Variants in DDX1 observed in about 807,000 individuals in gnomAD.
DDX1 encodes the protein DEAD-box helicase 1.
A neutral mutation model predicts 108.7 loss-of-function variants in DDX1; 28 were observed. The observed-to-expected ratio is 0.26, with a 90% confidence interval of 0.19 to 0.35. DDX1 has a LOEUF of 0.35. Among genes scored for constraint, DDX1 ranks in the 10% least tolerant of loss-of-function variants. The pLI, the probability that DDX1 is intolerant of heterozygous loss-of-function variation, is 1.00. For synonymous variants in DDX1, 295 were observed against 288.9 expected (o/e 1.02, Z -0.21); for missense variants, 710 against 884.5 (o/e 0.80, Z 2.50).
chr2:15,625,688 T>C (rs899822432), intron 19 of DDX1, among the ~76,000 whole-genome samples: 5 of 152,110 alleles, frequency 3.3e-5, no homozygotes, highest in Middle Eastern at 3.4e-3. Context: ...AATATAAATA[T>C]TGGAAAAATA....
At chr2:15,611,224 C>T (rs1665747752) in intron 13 of DDX1, among the ~76,000 whole-genome samples, 1 of 150,806 alleles carries the variant, frequency 6.6e-6, no homozygotes, top group Non-Finnish European at 1.5e-5. Flanking sequence ...TCAACAGGAT[C>T]CCAAGGCAGA....
chr2:15,607,298 A>C lies in DDX1; in HGVS notation c.941A>C (p.Asp314Ala). 6.2e-7 allele frequency: 1 copy of C among 1,613,182 alleles called. No individual in the cohort carries two copies. The highest frequency in any genetic ancestry group is 1.1e-5 in the South Asian group (1 of 90,836). ...NNIKQFKKYI[D>A]NPKLRELLII... Reference sequence around the variant, plus strand: ...ATCAAGCAGTTTAAGAAATACATTGATAATCCTAAATTAAGGTAAATCTTC... The same window carrying C: ...ATCAAGCAGTTTAAGAAATACATTGCTAATCCTAAATTAAGGTAAATCTTC... The change falls in exon 13 of 26, where the codon GAT (aspartate) becomes GCT (alanine). Residue 314 changes from aspartate to alanine, a missense_variant. Asp to Ala is a moderately radical substitution (Grantham distance 126, BLOSUM62 -2). This residue lies in a region of DDX1 where 661 missense variants were observed against 810.2 expected (regional missense o/e 0.82). Coordinates refer to ENST00000233084, the MANE Select transcript of DDX1 (RefSeq NM_004939.3).
intron 16 of DDX1, among the ~76,000 whole-genome samples, chr2:15,619,398 G>A (rs1332713281): frequency 6.6e-6 from 1 of 152,098 alleles, no homozygotes; most frequent in Non-Finnish European, 1.5e-5. Context: ...GCGAAGGTTG[G>A]GGTGGCCCAG....
chr2:15,630,983 A>G lies in DDX1; in HGVS notation c.*77A>G. ...ACTCTAAAACAGTTGTACTGCTTCC[A>G]AGCAGCAGTATTTATAGTAACGTAA... On this transcript the variant is annotated 3_prime_UTR_variant, in exon 26 of 26. Transcript: ENST00000233084. 1 of 1,413,344 alleles carries G rather than the reference A, an allele frequency of 7.1e-7. No homozygotes were observed. Among genetic ancestry groups the G allele is most frequent in the Non-Finnish European group, 9.8e-7 (1 of 1,017,000 alleles). 87.6% of individuals were successfully genotyped at this position (1,413,344 alleles called of 1,614,324 possible).
chr2:15,615,414 G>A (rs1302968877), intron 14 of DDX1, among the ~76,000 whole-genome samples: 3 of 152,202 alleles, frequency 2.0e-5, no homozygotes, highest in Admixed American at 6.5e-5. Context: ...GTACTAAACT[G>A]ATGTCATAGA....
chr2:15,611,634 T>C (rs1299873245), intron 13 of DDX1, among the ~76,000 whole-genome samples: 61 of 60,064 alleles, frequency 1.0e-3, no homozygotes, highest in African/African-American at 3.9e-3. Flanking sequence ...CCAGTAGGGG[T>C]GGCCGGGCAG....
At chr2:15,616,473 A>T (rs892487029) in intron 14 of DDX1, among the ~76,000 whole-genome samples, 1 of 152,196 alleles carries the variant, frequency 6.6e-6, no homozygotes, top group Non-Finnish European at 1.5e-5. Flanking sequence ...ACTACAAGAT[A>T]TGTGTGGGAG....
At chr2:15,609,906 G>A (rs557995573) in intron 13 of DDX1, among the ~76,000 whole-genome samples, 1 of 152,202 alleles carries the variant, frequency 6.6e-6, no homozygotes, top group East Asian at 1.9e-4. Context: ...TGTTTTTTAA[G>A]AAAAGCAGCT....
At chr2:15,602,473 G>T in intron 6 of DDX1, 75 bp from the exon 7 acceptor site, 1 of 991,526 alleles carries the variant, frequency 1.0e-6, no homozygotes, top group Admixed American at 1.9e-5. Context: ...ATTTTTTTTG[G>T]TGGTAGGGGG....
At chr2:15,613,728 T>A (rs1337211226) in intron 14 of DDX1, among the ~76,000 whole-genome samples, 1 of 152,118 alleles carries the variant, frequency 6.6e-6, no homozygotes, top group Non-Finnish European at 1.5e-5. Flanking sequence ...AGACATGAGT[T>A]CAATTATGTG....
chr2:15,617,457 C>T (rs551682240), intron 15 of DDX1, 115 bp downstream of exon 15: 31 of 444,014 alleles, frequency 7.0e-5, no homozygotes, highest in Middle Eastern at 6.0e-4. Context: ...TAGAGATAAT[C>T]ATTGTTATCA....
intron 20 of DDX1, among the ~76,000 whole-genome samples, chr2:15,627,721 A>G (rs1019908112): frequency 6.6e-6 from 1 of 152,184 alleles, no homozygotes; most frequent in African/African-American, 2.4e-5. Context: ...GCCCCAGTGT[A>G]TAGCATAAGT....
intron 19 of DDX1, among the ~76,000 whole-genome samples, chr2:15,624,595 G>A (rs1381783052): frequency 6.6e-6 from 1 of 152,114 alleles, no homozygotes; most frequent in Admixed American, 6.6e-5. Context: ...ACAGCATGAG[G>A]ATAACCACCC....
intron 5 of DDX1, among the ~76,000 whole-genome samples, chr2:15,597,679 T>G (rs1665523843): frequency 6.6e-6 from 1 of 152,202 alleles, no homozygotes. Flanking sequence ...ATACTAATAG[T>G]GTTCCCTTTG....
chr2:15,608,950 C>G (rs1665713622), intron 13 of DDX1, among the ~76,000 whole-genome samples: 1 of 145,930 alleles, frequency 6.9e-6, no homozygotes, highest in African/African-American at 2.7e-5. Flanking sequence ...ATGCATGTTC[C>G]TTATTCAGCA....
intron 4 of DDX1, among the ~76,000 whole-genome samples, chr2:15,597,147 C>T: frequency 6.6e-6 from 1 of 152,162 alleles, no homozygotes; most frequent in South Asian, 2.1e-4. Flanking sequence ...TTCTACCAGT[C>T]TCCATTGTTC....
At chr2:15,611,566 A>G (rs1573043476) in intron 13 of DDX1, among the ~76,000 whole-genome samples, 1 of 118,180 alleles carries the variant, frequency 8.5e-6, no homozygotes, top group African/African-American at 3.5e-5. Context: ...CGGGGGGCTG[A>G]CCCCCCGACC....
rs768175954 is a variant in DDX1, at chr2:15,597,372, T to G, written c.163-3T>G. On this transcript the variant is annotated splice_polypyrimidine_tract_variant and splice_region_variant and intron_variant, in intron 4 of 25. Coordinates refer to ENST00000233084, the MANE Select transcript of DDX1 (RefSeq NM_004939.3). ...ATATAGATACCTTTTGTTTCTTTGA[T>G]AGGCTTTTAGTATTCCAGTTATCCA... 5 of 1,571,736 alleles carry G rather than the reference T, an allele frequency of 3.2e-6. No individual in the cohort carries two copies. The highest frequency in any genetic ancestry group is 4.3e-6 in the Non-Finnish European group (5 of 1,155,744).
At chr2:15,611,524 C>T (rs796970293) in intron 13 of DDX1, among the ~76,000 whole-genome samples, 24,110 of 127,988 alleles carry the variant, frequency 0.19, 2,776 homozygotes, top group African/African-American at 0.35. Context: ...CTGACCCCCC[C>T]ACCTCCCTCC....
Sources: allele counts gnomAD v4.1 joint callset (sites outside exome capture counted in the v4.1 genomes callset), GRCh38; gene constraint gnomAD v4.1.1; regional missense constraint gnomAD v4.1.1; transcripts MANE v1.5; gene names NCBI Gene and HGNC (gene_info 2026-07-23, HGNC 2026-07-21).